The following UBAP1L variants were observed in gnomAD, a reference collection of about 807,000 sequenced individuals.
UBAP1L encodes the protein ubiquitin associated protein 1 like.
A neutral mutation model predicts 32.1 loss-of-function variants in UBAP1L; 32 were observed. That is an observed-to-expected ratio of 1.00 (90% confidence interval 0.75 to 1.34). The LOEUF (loss-of-function observed/expected upper bound fraction) is 1.34, where lower values mean the gene tolerates loss of function less well. Among genes scored for constraint, UBAP1L ranks in the 40% most tolerant of loss-of-function variants. The pLI is 0.00. For synonymous variants in UBAP1L, 243 were observed against 250.2 expected, an observed-to-expected ratio of 0.97 and a Z score of 0.27; for missense variants, 516 against 540.5, an observed-to-expected ratio of 0.95 and a Z score of 0.45.
intron 2 of UBAP1L, chr15:65,105,751 T>A (rs951025494): frequency 7.2e-6 from 5 of 698,798 alleles, no homozygotes; most frequent in African/African-American, 7.0e-5. Context: ...TGTGCCCAGG[T>A]CAAGTAGTGG....
chr15:65,114,199 T>A (rs1289097158), intron 1 of UBAP1L, among the ~76,000 whole-genome samples: 2 of 151,550 alleles, frequency 1.3e-5, no homozygotes, highest in African/African-American at 2.4e-5. Context: ...TTTTTTTTTT[T>A]AACTATGACC....
At chr15:65,099,462 G>T (rs1326885181) in intron 4 of UBAP1L, 43 bp downstream of exon 4, 3 of 1,536,254 alleles carry the variant, frequency 2.0e-6, no homozygotes, top group African/African-American at 2.7e-5. Flanking sequence ...CACTCACCTG[G>T]CTCCAGCATC....
At chr15:65,105,011 A>AT in intron 2 of UBAP1L, 1 of 161,628 alleles carries the variant, frequency 6.2e-6, no homozygotes, top group South Asian at 9.6e-5. Flanking sequence ...GTCTCAAATG[A>AT]AAAAAAAAAA....
intron 1 of UBAP1L, among the ~76,000 whole-genome samples, chr15:65,108,286 A>AG (rs1358681719): frequency 6.6e-6 from 1 of 152,110 alleles, no homozygotes; most frequent in African/African-American, 2.4e-5. Flanking sequence ...TCTGGGGAAA[A>AG]AAAAAAACAA....
At chr15:65,110,477 A>G (rs547024975) in intron 1 of UBAP1L, among the ~76,000 whole-genome samples, 3 of 151,830 alleles carry the variant, frequency 2.0e-5, no homozygotes, top group Non-Finnish European at 2.9e-5. Flanking sequence ...CAGGAGTTCA[A>G]GACCAGCCTG....
chr15:65,111,728 A>G (rs185655716), intron 1 of UBAP1L, among the ~76,000 whole-genome samples: 1 of 151,272 alleles, frequency 6.6e-6, no homozygotes, highest in Non-Finnish European at 1.5e-5. Context: ...CAGGTGATCC[A>G]CCCGACTTGA....
Position 65,106,109 on chromosome 15 carries a change from A to G in UBAP1L, c.107T>C (p.Leu36Pro), listed in dbSNP as rs1477549215. Residue 36 changes from leucine (L) to proline (P), a missense_variant, in exon 2 of 6, where the codon CTG becomes CCG. Coordinates refer to ENST00000559089, the MANE Select transcript of UBAP1L (RefSeq NM_001163692.2). ...ELSVPACGEV[L>P]LGSMHDFSLE... ...AGACACACTTACCATAGAACCCAGC[A>G]GAACTTCCCCGCAGGCCGGGACGCT... The G allele has an allele frequency of 6.4e-7, 1 of 1,551,454 alleles. No individual in the cohort carries two copies. The highest frequency in any genetic ancestry group is 8.7e-7 in the Non-Finnish European group (1 of 1,146,936).
At chr15:65,104,444 T>G (rs1376720141) in intron 2 of UBAP1L, among the ~76,000 whole-genome samples, 2 of 152,104 alleles carry the variant, frequency 1.3e-5, no homozygotes, top group Non-Finnish European at 2.9e-5. Flanking sequence ...AGAAGTTCAA[T>G]AATTAAAACT....
intron 1 of UBAP1L, among the ~76,000 whole-genome samples, chr15:65,110,684 CAA>C (rs71136313): frequency 2.9e-4 from 18 of 63,066 alleles, no homozygotes; most frequent in East Asian, 2.4e-3. Flanking sequence ...GACTCTGTCT[CAA>C]AAAAAAAAAA....
intron 4 of UBAP1L, chr15:65,097,142 T>C (rs929408189): frequency 6.6e-6 from 1 of 152,290 alleles, no homozygotes; most frequent in African/African-American, 2.4e-5. Context: ...GGCCAGTCTA[T>C]ATCTGGAAAC....
At chr15:65,111,947 C>T (rs1026174182) in intron 1 of UBAP1L, among the ~76,000 whole-genome samples, 17 of 152,158 alleles carry the variant, frequency 1.1e-4, no homozygotes, top group African/African-American at 3.9e-4. Flanking sequence ...CCTGCCACCA[C>T]GCCTGGCCCT....
intron 1 of UBAP1L, among the ~76,000 whole-genome samples, chr15:65,110,219 C>T (rs897887040): frequency 3.4e-4 from 52 of 150,774 alleles, no homozygotes; most frequent in African/African-American, 1.1e-3. Flanking sequence ...ATTAGCTGGG[C>T]GTGGTGGTGC....
intron 2 of UBAP1L, among the ~76,000 whole-genome samples, chr15:65,104,465 CACAG>C (rs1387946833): frequency 1.3e-5 from 2 of 152,138 alleles, no homozygotes; most frequent in South Asian, 2.1e-4. Context: ...ATGGTACTGG[CACAG>C]ACAGATTAAA....
chr15:65,114,223 T>C (rs1277522299), intron 1 of UBAP1L, among the ~76,000 whole-genome samples: 2 of 151,906 alleles, frequency 1.3e-5, no homozygotes, highest in Non-Finnish European at 1.5e-5. Context: ...AGTATACTTT[T>C]ATTTCCTAGC....
chr15:65,097,581 G>A (rs1595918993), intron 4 of UBAP1L: 1 of 152,212 alleles, frequency 6.6e-6, no homozygotes, highest in East Asian at 1.9e-4. Context: ...TCTGCAAAGT[G>A]GTCATAATGT....
chr15:65,112,918 G>A (rs1343451371), intron 1 of UBAP1L, among the ~76,000 whole-genome samples: 1 of 152,056 alleles, frequency 6.6e-6, no homozygotes, highest in Admixed American at 6.6e-5. Context: ...CTAAATCTCT[G>A]GAATCCAGCC....
In UBAP1L at chr15:65,102,585, G is replaced by A; in HGVS notation, c.220C>T (p.Pro74Ser). 2.6e-6 allele frequency: 4 copies of A among 1,546,628 alleles called. No individual in the cohort carries two copies. The highest frequency in any genetic ancestry group is 2.0e-5 in the Admixed American group (1 of 50,562). ...QCGDPGTASAPPAWLLLVSPE... is the reference protein window; with the variant it reads ...QCGDPGTASASPAWLLLVSPE... ...CTGACTAGCAAGAGCCAGGCTGGAG[G>A]GGCTGACGCTGTCCCCGGGTCACCG... The change falls in exon 3 of 6, where the codon CCT becomes TCT. Residue 74 changes from proline (P) to serine (S), a missense_variant. Pro to Ser is a moderately conservative substitution (Grantham distance 74). Coordinates refer to ENST00000559089, the MANE Select transcript of UBAP1L (RefSeq NM_001163692.2). The surrounding 1 kb of genome is among the most constrained non-coding windows in gnomAD (Gnocchi z 5.0).
rs900401146 is a variant in UBAP1L, at chr15:65,094,962, G to A, written c.910-386C>T. The A allele has an allele frequency of 1.8e-5, 5 of 276,816 alleles. No homozygotes were observed. The highest frequency in any genetic ancestry group is 9.3e-5 in the East Asian group (1 of 10,800). 17.1% of individuals were successfully genotyped at this position (276,816 alleles called of 1,614,324 possible). The stretch of plus-strand genomic sequence containing the variant: ...CACCCCTGTCTGGGAGCACCCATTC[G>A]TGTGAAGGTGCCTCCTCATCCGTCC... On this transcript the variant is annotated intron_variant, in intron 4 of 5. Coordinates refer to ENST00000559089, the MANE Select transcript of UBAP1L (RefSeq NM_001163692.2). The surrounding 1 kb of genome is among the most constrained non-coding windows in gnomAD (Gnocchi z 4.2).
chr15:65,095,343 G>A (rs1036894695), intron 4 of UBAP1L: 2 of 152,292 alleles, frequency 1.3e-5, no homozygotes, highest in East Asian at 3.8e-4. Context: ...GCCGTCCCTT[G>A]TGCCCCCATA....
Sources: allele counts gnomAD v4.1 joint callset (sites outside exome capture counted in the v4.1 genomes callset), GRCh38; gene constraint gnomAD v4.1.1; non-coding constraint Gnocchi (gnomAD v3.1); transcripts MANE v1.5; gene names NCBI Gene and HGNC (gene_info 2026-07-23, HGNC 2026-07-21).